Variants in RETSAT observed in about 807,000 individuals in gnomAD.
The protein encoded by RETSAT is retinol saturase.
RETSAT carries 35 observed loss-of-function variants against 61.6 expected under a neutral mutation model. The observed-to-expected ratio is 0.57, with a 90% CI of 0.43 to 0.75. The LOEUF (loss-of-function observed/expected upper bound fraction) is 0.75, where lower values mean the gene tolerates loss of function less well. RETSAT is among the 30% of genes least tolerant of loss of function. The probability of loss-of-function intolerance (pLI) is 0.00; values close to 1 mark genes in which losing one functional copy is unlikely to be tolerated. For missense variants in RETSAT, 670 were observed against 759.5 expected (o/e 0.88, Z 1.38); for synonymous variants, 277 against 310.4 (o/e 0.89, Z 1.13).
rs200252439 is a variant in RETSAT, at chr2:85,344,122, C to G, written c.1410G>C (p.Trp470Cys). 8.1e-5 allele frequency: 130 copies of G among 1,614,048 alleles called. 1 individual carries two copies. Among genetic ancestry groups the G allele is most frequent in the African/African-American group, 1.3e-5 (1 of 74,908 alleles). ...TCAGCTCCGCCTGCCACTCCTCAAA[C>G]CACTCGTAGGCAGTGGGTATGAGCA... ...MIMLIPTAYE[W>C]FEEWQAELKG... The change falls in exon 9 of 11, where the codon TGG becomes TGC. Residue 470 changes from tryptophan to cysteine, a missense_variant. Coordinates refer to ENST00000295802, the MANE Select transcript of RETSAT (RefSeq NM_017750.4).
At chr2:85,347,033 C>G (rs1367876739) in intron 5 of RETSAT, among the ~76,000 whole-genome samples, 1 of 152,092 alleles carries the variant, frequency 6.6e-6, no homozygotes, top group Non-Finnish European at 1.5e-5. Flanking sequence ...TGAAAACACC[C>G]AGCTCTTTCA....
At chr2:85,349,686 G>A (rs1683266555) in intron 4 of RETSAT, 105 bp from the exon 5 acceptor site, 5 of 982,560 alleles carry the variant, frequency 5.1e-6, no homozygotes, top group Non-Finnish European at 7.9e-6. Context: ...GTCTATCCGA[G>A]GAACCACATG....
intron 1 of RETSAT, among the ~76,000 whole-genome samples, chr2:85,352,218 C>T (rs149954730): frequency 4.0e-5 from 6 of 151,852 alleles, no homozygotes; most frequent in Non-Finnish European, 7.4e-5. Flanking sequence ...CCATGCCGGG[C>T]CATTTTATTT....
chr2:85,349,627 G>T, intron 4 of RETSAT, 46 bp from the exon 5 acceptor site: 1 of 1,501,886 alleles, frequency 6.7e-7, no homozygotes, highest in Non-Finnish European at 9.3e-7. Flanking sequence ...GAAGGCACCA[G>T]CACCATTCAG....
In RETSAT at chr2:85,344,235, C is replaced by A. The variant is rs748481802; in HGVS notation, c.1366+4G>T. ...ACCCCCTCACCCGGGACGTGCAGCC[C>A]CACCTGGGAATCGGTCCTCCCAGGT... is the stretch of plus-strand genomic sequence containing the variant. On this transcript the variant is annotated splice_donor_region_variant and intron_variant, in intron 8 of 10. Coordinates refer to ENST00000295802, the MANE Select transcript of RETSAT (RefSeq NM_017750.4). The A allele has an allele frequency of 4.3e-6, 7 of 1,614,136 alleles. No individual in the cohort carries two copies. In the East Asian group the frequency reaches 1.6e-4, roughly 36 times the overall value.
rs1006940825 is a variant in RETSAT, at chr2:85,343,671, G to A, written c.1661C>T (p.Ala554Val). The change falls in exon 10 of 11, where the codon GCC becomes GTC. Residue 554 changes from alanine (A) to valine (V), a missense_variant. By Grantham distance (64) the Ala-to-Val change is moderately conservative (BLOSUM62 0). Coordinates refer to ENST00000295802, the MANE Select transcript of RETSAT (RefSeq NM_017750.4). ...LHPCVMASLR[A>V]QSPIPNLYLT... ...ATAGAGGTTGGGGATGGGGCTCTGGGCCCTCAAGGAGGCCATCACACAAGG... is the reference window on the plus strand; with the variant it reads ...ATAGAGGTTGGGGATGGGGCTCTGGACCCTCAAGGAGGCCATCACACAAGG... 6.2e-7 allele frequency: 1 copy of A among 1,613,836 alleles called. No individual in the cohort carries two copies. Among genetic ancestry groups the A allele is most frequent in the Non-Finnish European group, 8.5e-7 (1 of 1,179,976 alleles).
Position 85,342,078 on chromosome 2 carries a change from C to A in RETSAT, c.*1164G>T, listed in dbSNP as rs972270480. On this transcript the variant is annotated 3_prime_UTR_variant, in exon 11 of 11. Coordinates refer to ENST00000295802, the MANE Select transcript of RETSAT (RefSeq NM_017750.4). ...TAGTTTTGTTTTCTTGAACAAAAAA[C>A]CAAAATAAATTTCAAATGTTAAAGC... 38 of 375,652 alleles carry A rather than the reference C, an allele frequency of 1.0e-4. No individual in the cohort carries two copies. Among genetic ancestry groups the A allele is most frequent in the Non-Finnish European group, 1.4e-4 (30 of 210,524 alleles). 23.3% of individuals were successfully genotyped at this position (375,652 alleles called of 1,614,324 possible). A position where few individuals can be genotyped will look rare whatever the true frequency, so the allele number is the denominator to read the frequency against.
rs1254042268 is a variant in RETSAT at position 85,343,789 on chromosome 2, C to T, written c.1543G>A (p.Val515Met). The change falls in exon 10 of 11, where the codon GTG (valine) becomes ATG (methionine). Residue 515 changes from valine (V) to methionine (M), a missense_variant. Physicochemically the swap from Val to Met is conservative, Grantham distance 21. Coordinates refer to ENST00000295802, the MANE Select transcript of RETSAT (RefSeq NM_017750.4). ...TTGGTGAGTGGGGATCCTGCAGTCA[C>T]ACTCTCCACCTGAGGGCAGAAAGGG... Reference protein sequence around the residue: ...FPQLEGKVESVTAGSPLTNQF... With the variant: ...FPQLEGKVESMTAGSPLTNQF... The T allele has an allele frequency of 1.9e-5, 30 of 1,613,664 alleles. No homozygotes were observed. In the Middle Eastern group the frequency reaches 5.0e-4, roughly 27 times the overall value.
rs4832171 is a variant in RETSAT, at chr2:85,344,587, A to G, written c.1256+7T>C. On this transcript the variant is annotated splice_region_variant and intron_variant, in intron 7 of 10. Coordinates refer to ENST00000295802, the MANE Select transcript of RETSAT (RefSeq NM_017750.4). Reference sequence around the variant, plus strand: ...GCCACACACATACACACACACGTGCACCTTACGCCTGGTCCATGTCCGTGT... The same window carrying G: ...GCCACACACATACACACACACGTGCGCCTTACGCCTGGTCCATGTCCGTGT... 1,237,145 of 1,613,700 alleles carry G rather than the reference A, an allele frequency of 0.77. 479,415 individuals carry two copies. The highest frequency in any genetic ancestry group is 1 in the East Asian group (44,803 of 44,822).
At chr2:85,352,449 A>C (rs1374426987) in intron 1 of RETSAT, among the ~76,000 whole-genome samples, 1 of 151,582 alleles carries the variant, frequency 6.6e-6, no homozygotes, top group Non-Finnish European at 1.5e-5. Flanking sequence ...ATGGGGTTTC[A>C]CCATGTTAGC....
In RETSAT at chr2:85,353,006, C is replaced by T. The variant is rs1387545642; in HGVS notation, c.173-1144G>A. Reference sequence around the variant, plus strand: ...TCAAGATACAAGAGAACTTGGCAAACTGCTTATTTTTTTAATGTTTTTAGA... The same window carrying T: ...TCAAGATACAAGAGAACTTGGCAAATTGCTTATTTTTTTAATGTTTTTAGA... On this transcript the variant is annotated intron_variant, in intron 1 of 10. Transcript: ENST00000295802. 2.0e-5 allele frequency among the ~76,000 whole-genome samples: 3 copies of T among 152,218 alleles called. No individual in the cohort carries two copies. In the East Asian group the frequency reaches 5.8e-4, roughly 29 times the overall value.
chr2:85,351,148 ACT>A, intron 2 of RETSAT, 127 bp from the exon 3 acceptor site: 1 of 1,138,826 alleles, frequency 8.8e-7, no homozygotes, highest in Non-Finnish European at 1.3e-6. Context: ...TGAGCTGCTC[ACT>A]CTGTCTGTAG....
At chr2:85,348,759 C>CTT (rs540873624) in intron 5 of RETSAT, among the ~76,000 whole-genome samples, 3 of 145,170 alleles carry the variant, frequency 2.1e-5, no homozygotes, top group Non-Finnish European at 3.0e-5. Flanking sequence ...CTTTTCCTTT[C>CTT]TTTTTTTTTG....
At chr2:85,352,180 G>C (rs1166328037) in intron 1 of RETSAT, among the ~76,000 whole-genome samples, 1 of 151,766 alleles carries the variant, frequency 6.6e-6, no homozygotes, top group Non-Finnish European at 1.5e-5. Flanking sequence ...TCTGGTTCCC[G>C]AGTAGCTGGG....
In RETSAT at chr2:85,345,431, C is replaced by T. The variant is rs1430626095; in HGVS notation, c.1117+544G>A. Reference sequence around the variant, plus strand: ...TAGCTCCTGCACCAGTCAAGGTTTCCGCCATACCATATCCGGAGCTACTCC... The same window carrying T: ...TAGCTCCTGCACCAGTCAAGGTTTCTGCCATACCATATCCGGAGCTACTCC... On this transcript the variant is annotated intron_variant, in intron 6 of 10. Coordinates refer to ENST00000295802, the MANE Select transcript of RETSAT (RefSeq NM_017750.4). 4 of 234,578 alleles carry T rather than the reference C, an allele frequency of 1.7e-5. No homozygotes were observed. In the East Asian group the frequency reaches 3.4e-4, roughly 20 times the overall value. The allele number at this position is 234,578 out of a possible 1,614,324, so 14.5% of individuals were successfully genotyped here.
In RETSAT at chr2:85,343,691, A is replaced by C; in HGVS notation, c.1641T>G (p.Cys547Trp). The stretch of plus-strand genomic sequence containing the variant: ...TCTGGGCCCTCAAGGAGGCCATCAC[A>C]CAAGGGTGCAGGCGGCCCAGGTCAT... ...ADHDLGRLHP[C>W]VMASLRAQSP... Residue 547 changes from cysteine to tryptophan, a missense_variant, in exon 10 of 11, where the codon TGT (cysteine) becomes TGG (tryptophan). Cys to Trp is a radical substitution (Grantham distance 215, BLOSUM62 -2). Coordinates refer to ENST00000295802, the MANE Select transcript of RETSAT (RefSeq NM_017750.4). The C allele has an allele frequency of 6.2e-7, 1 of 1,614,158 alleles. No homozygotes were observed. The highest frequency in any genetic ancestry group is 8.5e-7 in the Non-Finnish European group (1 of 1,179,980).
Position 85,350,190 on chromosome 2 carries a change from G to C in RETSAT, c.649C>G (p.Pro217Ala), listed in dbSNP as rs141810213. The C allele has an allele frequency of 3.6e-5, 58 of 1,613,836 alleles. No homozygotes were observed. Among genetic ancestry groups the C allele is most frequent in the Non-Finnish European group, 4.7e-5 (55 of 1,180,000 alleles). ...CACCTGTCGAGGAGCTGAACCACGG[G>C]CAATGGGAGGAATTTCAACAGGATG... is the stretch of plus-strand genomic sequence containing the variant. ...HAILLKFLPL[P>A]VVQLLDRCGL... The change falls in exon 4 of 11, where the codon CCC becomes GCC. Residue 217 changes from proline to alanine, a missense_variant. Physicochemically the swap from Pro to Ala is conservative, Grantham distance 27. Transcript: ENST00000295802.
rs1294869500 is a variant in RETSAT at position 85,343,280 on chromosome 2, G to T, written c.1795C>A (p.Leu599Ile). Residue 599 changes from leucine (L) to isoleucine (I), a missense_variant, in exon 11 of 11, where the codon CTT becomes ATT. By Grantham distance (5) the Leu-to-Ile change is conservative. Transcript: ENST00000295802. ...TTCTGTGCCCGGATCCTAGAATCAA[G>T]ATTCTTAAGGTCTGAGTACAAGTTC... ...KRNLYSDLKN[L>I]DSRIRAQKKK... 3 of 1,614,166 alleles carry T rather than the reference G, an allele frequency of 1.9e-6. No homozygotes were observed. Among genetic ancestry groups the T allele is most frequent in the Non-Finnish European group, 8.5e-7 (1 of 1,180,048 alleles).
rs780913923 is a variant in RETSAT, at chr2:85,344,016, G to T, written c.1516C>A (p.Pro506Thr). The change falls in exon 9 of 11, where the codon CCA (proline) becomes ACA (threonine). Residue 506 changes from proline (P) to threonine (T), a missense_variant. Coordinates refer to ENST00000295802, the MANE Select transcript of RETSAT (RefSeq NM_017750.4). ...CCCCCTACCTTCCCCTCCAGCTGTG[G>T]GAACAGTTTCAGGACCACTGACATA... The part of the protein sequence containing the change: ...ASMSVVLKLF[P>T]QLEGKVESVT... 1 of 1,614,066 alleles carries T rather than the reference G, an allele frequency of 6.2e-7. No homozygotes were observed. Among genetic ancestry groups the T allele is most frequent in the Admixed American group, 1.7e-5 (1 of 60,002 alleles).
Sources: gnomAD v4.1 joint callset for allele counts (sites outside exome capture counted in the v4.1 genomes callset) on GRCh38, gnomAD v4.1.1 for gene constraint, MANE v1.5 for transcripts, NCBI Gene and HGNC (gene_info 2026-07-23, HGNC 2026-07-21) for gene names.